SIK3: variants seen among roughly 807,000 people sequenced by gnomAD.
SIK3 encodes SIK family kinase 3, also known as serine/threonine-protein kinase SIK3.
A neutral mutation model predicts 144.2 loss-of-function variants in SIK3; 28 were observed. The ratio of observed to expected loss-of-function variants is 0.19; its 90% CI spans 0.14 to 0.27. The LOEUF is 0.27. SIK3 is among the 10% of genes least tolerant of loss of function. SIK3 has a pLI of 1.00. For synonymous variants in SIK3, 686 were observed against 676.3 expected, an observed-to-expected ratio of 1.01 and a Z score of -0.22; for missense variants, 1,319 against 1,776.0, an observed-to-expected ratio of 0.74 and a Z score of 4.62.
chr11:117,075,536 A>T (rs1031493622), intron 1 of SIK3, among the ~76,000 whole-genome samples: 39 of 141,590 alleles, frequency 2.8e-4, no homozygotes, highest in East Asian at 1.8e-3. Context: ...GTTATTGATT[A>T]TTTTTTTTTC....
chr11:116,910,190 T>G (rs1946263736), intron 4 of SIK3, among the ~76,000 whole-genome samples: 2 of 152,280 alleles, frequency 1.3e-5, no homozygotes, highest in South Asian at 4.1e-4. Context: ...AATTCATTTT[T>G]GTCTATAATA....
chr11:117,098,377 G>C lies in SIK3; in HGVS notation c.39C>G (p.Ala13=), dbSNP rs770851829. 8 of 1,170,994 alleles carry C rather than the reference G, an allele frequency of 6.8e-6. No individual in the cohort carries two copies. Among genetic ancestry groups the C allele is most frequent in the African/African-American group, 1.6e-5 (1 of 61,252 alleles). The allele number at this position is 1,170,994 out of a possible 1,614,324, so 72.5% of individuals were successfully genotyped here. The part of the protein sequence containing the change: ...AAAASGAGGA[A]GAGTGGAGPA... The stretch of plus-strand genomic sequence containing the variant: ...GCCCGGCTCCCCCAGTCCCGGCCCC[G>C]GCAGCCCCGCCAGCTCCGCTCGCCG... The change falls in exon 1 of 25, where the codon GCC becomes GCG. Residue 13 remains alanine, a synonymous_variant. Coordinates refer to ENST00000445177, the MANE Select transcript of SIK3 (RefSeq NM_001366686.3).
At chr11:117,043,632 A>G (rs186871660) in intron 1 of SIK3, among the ~76,000 whole-genome samples, 233 of 152,340 alleles carry the variant, frequency 1.5e-3, no homozygotes, top group African/African-American at 5.1e-3. Context: ...AACAAAGCTT[A>G]GCTTCTGTAT....
chr11:116,996,596 G>T (rs1006939776), intron 1 of SIK3, among the ~76,000 whole-genome samples: 3 of 151,850 alleles, frequency 2.0e-5, no homozygotes, highest in Admixed American at 2.0e-4. Flanking sequence ...AAGGCGGGTG[G>T]ATCACCTAAG....
At chr11:116,847,377 C>G in intron 23 of SIK3, 99 bp downstream of exon 23, 1 of 1,526,940 alleles carries the variant, frequency 6.5e-7, no homozygotes, top group Non-Finnish European at 9.0e-7. Context: ...GCTCTACCTC[C>G]CCATGAGCTC....
chr11:116,995,084 AT>A (rs1177089439), intron 1 of SIK3, among the ~76,000 whole-genome samples: 6 of 151,880 alleles, frequency 4.0e-5, no homozygotes, highest in Non-Finnish European at 8.8e-5. Context: ...CCTGGGCAAC[AT>A]AGTGAAACCT....
At chr11:116,884,690 C>A (rs1444668147) in intron 6 of SIK3, among the ~76,000 whole-genome samples, 1 of 151,842 alleles carries the variant, frequency 6.6e-6, no homozygotes, top group Non-Finnish European at 1.5e-5. Context: ...CCCAGGCTGG[C>A]CACCTTGATC....
intron 1 of SIK3, among the ~76,000 whole-genome samples, chr11:116,968,953 A>G (rs1368027274): frequency 6.6e-6 from 1 of 152,154 alleles, no homozygotes; most frequent in African/African-American, 2.4e-5. Flanking sequence ...TTCATTGCCA[A>G]TGAGATCCAA....
intron 4 of SIK3, among the ~76,000 whole-genome samples, chr11:116,923,156 T>C (rs1024167563): frequency 6.6e-6 from 1 of 152,174 alleles, no homozygotes; most frequent in African/African-American, 2.4e-5. Context: ...CCTCAGGTGA[T>C]CCACCCACCT....
At chr11:117,040,947 C>A (rs570862721) in intron 1 of SIK3, among the ~76,000 whole-genome samples, 2 of 116,752 alleles carry the variant, frequency 1.7e-5, no homozygotes, top group African/African-American at 7.1e-5. Flanking sequence ...TTACCTGCCT[C>A]CTTTTTTTTT....
At position 116,954,127 on chromosome 11, in the gene SIK3, G is replaced by T. The variant is rs1565495723; in HGVS notation, c.391-20C>A. On this transcript the variant is annotated intron_variant, in intron 2 of 24. Transcript: ENST00000445177. ...CATAACCTGGTGCAAAGGCAGGAAA[G>T]TGACAGACAGTGACACAAATGACAG... is the stretch of plus-strand genomic sequence containing the variant. The T allele has an allele frequency of 6.2e-7, 1 of 1,601,422 alleles. No individual in the cohort carries two copies. Among genetic ancestry groups the T allele is most frequent in the South Asian group, 1.1e-5 (1 of 90,624 alleles).
intron 16 of SIK3, 101 bp downstream of exon 16, chr11:116,863,567 T>C (rs1943466139): frequency 2.0e-6 from 3 of 1,525,240 alleles, no homozygotes; most frequent in Non-Finnish European, 2.7e-6. Flanking sequence ...AACTGCAATG[T>C]TGCTGACATA....
intron 23 of SIK3, 146 bp downstream of exon 23, chr11:116,847,330 G>A: frequency 1.7e-6 from 2 of 1,144,142 alleles, no homozygotes; most frequent in African/African-American, 1.5e-5. Flanking sequence ...AGACCAGTGG[G>A]GAAAGGGGCT....
intron 1 of SIK3, among the ~76,000 whole-genome samples, chr11:116,966,623 G>A (rs544290835): frequency 1.2e-4 from 18 of 152,156 alleles, no homozygotes; most frequent in East Asian, 3.9e-4. Context: ...GGCATTTTTC[G>A]TTTTTGAATT....
chr11:116,935,302 TATTA>T (rs760853949), intron 3 of SIK3, among the ~76,000 whole-genome samples: 34 of 151,452 alleles, frequency 2.2e-4, no homozygotes, highest in African/African-American at 7.5e-4. Context: ...TATTAATACT[TATTA>T]ATTTATTATT....
intron 4 of SIK3, among the ~76,000 whole-genome samples, chr11:116,911,125 C>T (rs1262938055): frequency 6.6e-6 from 1 of 151,982 alleles, no homozygotes; most frequent in Non-Finnish European, 1.5e-5. Context: ...CAGAGCGAAA[C>T]CCTGTCTTTT....
intron 1 of SIK3, among the ~76,000 whole-genome samples, chr11:116,995,560 G>A (rs757266194): frequency 1.1e-4 from 17 of 151,912 alleles, no homozygotes; most frequent in African/African-American, 1.9e-4. Context: ...CGCCACACCC[G>A]GCTCACCCTA....
In SIK3 at chr11:116,979,865, A is replaced by G. The variant is rs182794492; in HGVS notation, c.274-22801T>C. 9.4e-4 allele frequency among the ~76,000 whole-genome samples: 143 copies of G among 152,048 alleles called. 1 individual carries two copies. The highest frequency in any genetic ancestry group is 3.3e-3 in the Admixed American group (50 of 15,258). ...CCATCTCCAACAAACAAAGAAAAAA[A>G]AGAGAGAGAGAGAGCATAAGGCATA... On this transcript the variant is annotated intron_variant, in intron 1 of 24. Coordinates refer to ENST00000445177, the MANE Select transcript of SIK3 (RefSeq NM_001366686.3).
chr11:117,055,610 C>T (rs919769770), intron 1 of SIK3, among the ~76,000 whole-genome samples: 1 of 152,152 alleles, frequency 6.6e-6, no homozygotes, highest in African/African-American at 2.4e-5. Flanking sequence ...AACAAGTAGG[C>T]AGAGAAACAG....
Sources: allele counts gnomAD v4.1 joint callset (sites outside exome capture counted in the v4.1 genomes callset), GRCh38; gene constraint gnomAD v4.1.1; transcripts MANE v1.5; gene names NCBI Gene and HGNC (gene_info 2026-07-23, HGNC 2026-07-21).